Variants in BRD1 observed in about 807,000 individuals in gnomAD.
The protein encoded by BRD1 is bromodomain-containing protein 1.
A neutral mutation model predicts 107.7 loss-of-function variants in BRD1; 24 were observed. That is an observed-to-expected ratio of 0.22 (90% CI 0.16 to 0.31). The LOEUF is 0.31. Among genes scored for constraint, BRD1 ranks in the 10% least tolerant of loss-of-function variants. The pLI, the probability that BRD1 is intolerant of heterozygous loss-of-function variation, is 1.00. For missense variants in BRD1, 1,279 were observed against 1,638.6 expected (o/e 0.78, Z 3.79); for synonymous variants, 744 against 686.1 (o/e 1.08, Z -1.32).
chr22:49,798,049 A>C lies in BRD1; in HGVS notation c.1854T>G (p.Ala618=). 1 of 1,614,196 alleles carries C rather than the reference A, an allele frequency of 6.2e-7. No individual in the cohort carries two copies. The part of the protein sequence containing the change: ...DFATMRKRLE[A]QGYKNLHEFE... ...ACTCATGGAGGTTTTTATACCCTTG[A>C]GCTTCTAACCGTTTCCTCATTGTGG... is the stretch of plus-strand genomic sequence containing the variant. Residue 618 remains alanine, a synonymous_variant, in exon 6 of 13, where the codon GCT becomes GCG. Transcript: ENST00000404760.
chr22:49,789,256 T>A (rs1450481162), intron 7 of BRD1, among the ~76,000 whole-genome samples: 1 of 152,178 alleles, frequency 6.6e-6, no homozygotes, highest in Non-Finnish European at 1.5e-5. Context: ...CTGTTCAATG[T>A]CGCCAACAGG....
At chr22:49,811,076 G>A (rs1375506286) in intron 2 of BRD1, among the ~76,000 whole-genome samples, 1 of 152,126 alleles carries the variant, frequency 6.6e-6, no homozygotes, top group African/African-American at 2.4e-5. Flanking sequence ...GAAAAGGAAT[G>A]GCACACCGAC....
intron 7 of BRD1, among the ~76,000 whole-genome samples, chr22:49,790,052 C>A (rs1029742388): frequency 6.6e-6 from 1 of 152,264 alleles, no homozygotes; most frequent in African/African-American, 2.4e-5. Context: ...GCCGCCAGCA[C>A]GCAGGCTAAA....
rs745805180 is a variant in BRD1, at chr22:49,823,072, A to C, written c.1246T>G (p.Ser416Ala). ...GATGTGGACCTGACCGTTTTAACCG[A>C]GCTCTCTTTTCGACAGACGCCATTT... ...MKNGVCRKESSVKTVRSTSKV... is the reference protein window; with the variant it reads ...MKNGVCRKESAVKTVRSTSKV... The change falls in exon 2 of 13, where the codon TCG becomes GCG. Residue 416 changes from serine to alanine, a missense_variant. This residue lies in a region of BRD1 where 87 missense variants were observed against 77.1 expected (regional missense o/e 1.13). Transcript: ENST00000404760. 1.2e-6 allele frequency: 2 copies of C among 1,614,140 alleles called. No homozygotes were observed. The highest frequency in any genetic ancestry group is 2.2e-5 in the South Asian group (2 of 91,090).
chr22:49,826,357 A>G (rs1467282175), intron 1 of BRD1: 2 of 764,816 alleles, frequency 2.6e-6, no homozygotes, highest in East Asian at 1.3e-4. Context: ...CGGGGAAAGT[A>G]GGCCCTCAGC....
rs1396204143 is a variant in BRD1, at chr22:49,824,039, T to C, written c.279A>G (p.Lys93=). 6 of 1,613,906 alleles carry C rather than the reference T, an allele frequency of 3.7e-6. No homozygotes were observed. The highest frequency in any genetic ancestry group is 5.1e-6 in the Non-Finnish European group (6 of 1,180,020). The change falls in exon 2 of 13, where the codon AAA becomes AAG. Residue 93 remains lysine (K), a synonymous_variant. Coordinates refer to ENST00000404760, the MANE Select transcript of BRD1 (RefSeq NM_001304808.3). This position sits in a 1 kb window ranked among gnomAD's most constrained non-coding sequence, Gnocchi z 5.9. ...CGTTTTTCTTTTTGACTCTGTTGTT[T>C]TTGTGACGCTTAGTTCTTAAGCAGA... ...PPVCLRTKRH[K]NNRVKKKNEA... is the part of the protein sequence containing the mutation.
intron 2 of BRD1, among the ~76,000 whole-genome samples, chr22:49,809,022 G>A (rs1250071228): frequency 2.0e-5 from 3 of 152,118 alleles, no homozygotes; most frequent in Non-Finnish European, 4.4e-5. Context: ...AGGAGACTGA[G>A]GCAGGAGAAC....
rs1200394205 is a variant in BRD1 at position 49,827,771 on chromosome 22, C to CGCGGGCGCGGGA, written c.-301_-290dup. Among the ~76,000 whole-genome samples, 1 of 139,398 alleles carries CGCGGGCGCGGGA rather than the reference C, an allele frequency of 7.2e-6. No individual in the cohort carries two copies. The highest frequency in any genetic ancestry group is 1.6e-5 in the Non-Finnish European group (1 of 64,486). The allele number at this position is 139,398 out of a possible 152,430, so 91.5% of individuals were successfully genotyped here. A position where few individuals can be genotyped will look rare whatever the true frequency, so the allele number is the denominator to read the frequency against. Reference sequence around the variant, plus strand: ...GGGGGGCCCGGCCGGCGGGCGCGGGCGCGGGCGCGGGAGCGGGCGGCGGGC... The same window carrying CGCGGGCGCGGGA: ...GGGGGGCCCGGCCGGCGGGCGCGGGCGCGGGCGCGGGAGCGGGCGCGGGAGCGGGCGGCGGGC... On this transcript the variant is annotated 5_prime_UTR_variant, in exon 1 of 13. Transcript: ENST00000404760.
At chr22:49,822,297 C>T (rs993486433) in intron 2 of BRD1, among the ~76,000 whole-genome samples, 13 of 152,058 alleles carry the variant, frequency 8.5e-5, no homozygotes, top group African/African-American at 2.2e-4. Context: ...TGGGAGCACA[C>T]GCCTGTAGTC....
chr22:49,815,174 A>C (rs1306623056), intron 2 of BRD1, among the ~76,000 whole-genome samples: 1 of 152,212 alleles, frequency 6.6e-6, no homozygotes, highest in Admixed American at 6.5e-5. Context: ...GCCAGTGAGA[A>C]ACGCAGCCCA....
At chr22:49,825,865 A>T (rs1016333091) in intron 1 of BRD1, 4 of 152,274 alleles carry the variant, frequency 2.6e-5, no homozygotes, top group African/African-American at 9.7e-5. Flanking sequence ...TCTCTGTATC[A>T]GACAGAAATC....
In BRD1 at chr22:49,787,299, ACCCCCC is replaced by A. The variant is rs138839; in HGVS notation, c.2857+85_2857+90del. 5.5e-6 allele frequency: 3 copies of A among 544,638 alleles called. 1 individual carries two copies. Among genetic ancestry groups the A allele is most frequent in the African/African-American group, 4.5e-5 (2 of 44,410 alleles). The allele number at this position is 544,638 out of a possible 1,614,324, so 33.7% of individuals were successfully genotyped here. On this transcript the variant is annotated intron_variant, in intron 8 of 12. Transcript: ENST00000404760. ...AATGCTGCAAAAACAGAAGCTGGAC[ACCCCCC>A]CCCCCCCGTCACACCAATGATCCTG...
At chr22:49,819,516 G>A (rs2060022687) in intron 2 of BRD1, among the ~76,000 whole-genome samples, 1 of 152,096 alleles carries the variant, frequency 6.6e-6, no homozygotes, top group Non-Finnish European at 1.5e-5. Context: ...CCATGCCACT[G>A]CACCCGTCTG....
In BRD1 at chr22:49,783,690, C is replaced by T. The variant is rs912081353; in HGVS notation, c.2857+3700G>A. 3.6e-5 allele frequency among the ~76,000 whole-genome samples: 5 copies of T among 140,642 alleles called. No individual in the cohort carries two copies. The highest frequency in any genetic ancestry group is 2.6e-4 in the South Asian group (1 of 3,812). 92.3% of individuals were successfully genotyped at this position (140,642 alleles called of 152,430 possible). A position where few individuals can be genotyped will look rare whatever the true frequency, so the allele number is the denominator to read the frequency against. ...GCCACGACATCCCGCCAGCTCCAGG[C>T]GTGCACCGGGCGCCAGCACCATTCC... On this transcript the variant is annotated intron_variant, in intron 8 of 12. Transcript: ENST00000404760. This position sits in a 1 kb window ranked among gnomAD's most constrained non-coding sequence, Gnocchi z 4.2.
rs2059038599 is a variant in BRD1 at position 49,774,311 on chromosome 22, C to T, written c.3492G>A (p.Arg1164=). The change falls in exon 13 of 13, where the codon CGG becomes CGA. Residue 1164 remains arginine (R), a synonymous_variant. Transcript: ENST00000404760. ...GGTTCATGGCGCGGTCAAAAGCGAT[C>T]CGCACGGCCTTCCGGATGCTGGAAT... is the stretch of plus-strand genomic sequence containing the variant. ...GRNSSIRKAV[R]IAFDRAMNHL... is the part of the protein sequence containing the mutation. 6.2e-7 allele frequency: 1 copy of T among 1,614,110 alleles called. No homozygotes were observed.
Position 49,803,817 on chromosome 22 carries a change from G to A in BRD1, c.1524+387C>T, listed in dbSNP as rs138854. Among the ~76,000 whole-genome samples the A allele has an allele frequency of 0.079, 11,995 of 152,064 alleles. 621 individuals carry two copies. Among genetic ancestry groups the A allele is most frequent in the South Asian group, 0.11 (532 of 4,812 alleles). ...ACACAGACCCCCACCCACATGGCCC[G>A]GGTGTGCTCACCGGGTCCCACTCCT... On this transcript the variant is annotated intron_variant, in intron 3 of 12. Coordinates refer to ENST00000404760, the MANE Select transcript of BRD1 (RefSeq NM_001304808.3). This position sits in a 1 kb window ranked among gnomAD's most constrained non-coding sequence, Gnocchi z 4.4.
Position 49,814,238 on chromosome 22 carries a change from C to T in BRD1, c.1367+8713G>A, listed in dbSNP as rs369379637. On this transcript the variant is annotated intron_variant, in intron 2 of 12. Transcript: ENST00000404760. ...AAAAATGAAAAGATACACTCACCCACGGGCACAAGCCCCCGACAAACAGTG... is the reference window on the plus strand; with the variant it reads ...AAAAATGAAAAGATACACTCACCCATGGGCACAAGCCCCCGACAAACAGTG... 5.3e-5 allele frequency among the ~76,000 whole-genome samples: 8 copies of T among 152,250 alleles called. No homozygotes were observed. In the East Asian group the frequency reaches 7.7e-4, roughly 15 times the overall value.
chr22:49,815,982 A>T (rs2147324446), intron 2 of BRD1, among the ~76,000 whole-genome samples: 1 of 151,206 alleles, frequency 6.6e-6, no homozygotes, highest in African/African-American at 2.4e-5. Flanking sequence ...CAACTCATGC[A>T]CCCACACTGC....
chr22:49,789,981 T>C (rs1355848529), intron 7 of BRD1, among the ~76,000 whole-genome samples: 1 of 152,206 alleles, frequency 6.6e-6, no homozygotes, highest in Non-Finnish European at 1.5e-5. Flanking sequence ...GTCTCAGCCA[T>C]GCATGCACCC....
Sources: allele counts gnomAD v4.1 joint callset (sites outside exome capture counted in the v4.1 genomes callset), GRCh38; gene constraint gnomAD v4.1.1; regional missense constraint gnomAD v4.1.1; non-coding constraint Gnocchi (gnomAD v3.1); transcripts MANE v1.5; gene names NCBI Gene and HGNC (gene_info 2026-07-23, HGNC 2026-07-21).